The following GRK5 variants were observed in gnomAD, a reference collection of about 807,000 sequenced individuals.
The protein encoded by GRK5 is G protein-coupled receptor kinase 5, also known as g protein-coupled receptor kinase GRK5.
In GRK5, 40 loss-of-function variants were observed where a neutral mutation model predicts 78.4. The ratio of observed to expected loss-of-function variants is 0.51; its 90% CI spans 0.40 to 0.66. GRK5 has a LOEUF of 0.66. GRK5 is among the 30% of genes least tolerant of loss of function. The probability of loss-of-function intolerance (pLI) is 0.00; values close to 1 mark genes in which losing one functional copy is unlikely to be tolerated. For missense variants in GRK5, 598 were observed against 759.9 expected, an observed-to-expected ratio of 0.79 and a Z score of 2.50; for synonymous variants, 289 against 296.8, an observed-to-expected ratio of 0.97 and a Z score of 0.27.
chr10:119,368,167 A>T (rs116237759), intron 2 of GRK5, among the ~76,000 whole-genome samples: 14 of 152,316 alleles, frequency 9.2e-5, no homozygotes, highest in African/African-American at 3.4e-4. Context: ...TGCAGGAAGG[A>T]TGGGCTGGGC....
intron 4 of GRK5, among the ~76,000 whole-genome samples, chr10:119,421,426 G>A (rs1023219811): frequency 6.6e-6 from 1 of 152,232 alleles, no homozygotes; most frequent in South Asian, 2.1e-4. Flanking sequence ...CTGTTTCAGA[G>A]GGTGAGACGG....
intron 2 of GRK5, among the ~76,000 whole-genome samples, chr10:119,370,875 T>C (rs927854944): frequency 4.0e-5 from 6 of 151,858 alleles, no homozygotes; most frequent in African/African-American, 1.5e-4. Context: ...CGTAACCTGG[T>C]ATTTTGGGAA....
chr10:119,216,231 T>C (rs1458650699), intron 1 of GRK5, among the ~76,000 whole-genome samples: 2 of 152,250 alleles, frequency 1.3e-5, no homozygotes, highest in African/African-American at 4.8e-5. Flanking sequence ...GGGCCTACTG[T>C]GTTTCTAAGA....
At chr10:119,329,505 G>T (rs1377621535) in intron 2 of GRK5, among the ~76,000 whole-genome samples, 1 of 152,168 alleles carries the variant, frequency 6.6e-6, no homozygotes, top group Admixed American at 6.5e-5. Context: ...GCCAGTGGGT[G>T]CAGACTAAAA....
intron 4 of GRK5, 75 bp from the exon 5 acceptor site, chr10:119,423,091 C>T: frequency 1.0e-6 from 1 of 984,558 alleles, no homozygotes; most frequent in Non-Finnish European, 1.6e-6. Context: ...GTTCTTGGCC[C>T]AACACCTGTG....
intron 3 of GRK5, among the ~76,000 whole-genome samples, chr10:119,394,336 C>G (rs1228714375): frequency 2.2e-3 from 29 of 13,436 alleles, no homozygotes; most frequent in Non-Finnish European, 2.5e-3. Context: ...ATCTGTGTGT[C>G]TGTGTGTGGG....
chr10:119,356,941 G>A (rs1184707904), intron 2 of GRK5, among the ~76,000 whole-genome samples: 1 of 152,240 alleles, frequency 6.6e-6, no homozygotes, highest in African/African-American at 2.4e-5. Context: ...GACCAGTGCT[G>A]AGCTATCTCA....
At chr10:119,259,834 C>T (rs7093164) in intron 1 of GRK5, among the ~76,000 whole-genome samples, 2,864 of 152,224 alleles carry the variant, frequency 0.019, 97 homozygotes, top group African/African-American at 0.064. Context: ...ATATGGCTAG[C>T]GGCTACCATA....
intron 1 of GRK5, among the ~76,000 whole-genome samples, chr10:119,256,617 C>T (rs1242229658): frequency 6.6e-6 from 1 of 150,910 alleles, no homozygotes; most frequent in Non-Finnish European, 1.5e-5. Flanking sequence ...CCACCCTTCA[C>T]CCCTATTGCA....
chr10:119,275,590 C>CTT (rs1439398904), intron 1 of GRK5, among the ~76,000 whole-genome samples: 4 of 120,598 alleles, frequency 3.3e-5, no homozygotes, highest in African/African-American at 1.2e-4. Flanking sequence ...TGTGCACGCT[C>CTT]TCTCTCTCTC....
chr10:119,310,369 T>C (rs995759434), intron 1 of GRK5, among the ~76,000 whole-genome samples: 2 of 152,170 alleles, frequency 1.3e-5, no homozygotes, highest in African/African-American at 4.8e-5. Flanking sequence ...TGGCTTTCTC[T>C]TCCCCTTCAA....
intron 2 of GRK5, among the ~76,000 whole-genome samples, chr10:119,354,576 A>AT (rs1212508487): frequency 6.6e-6 from 1 of 151,854 alleles, no homozygotes. Context: ...TAATTTTTGT[A>AT]TTTTTTGTAG....
intron 1 of GRK5, among the ~76,000 whole-genome samples, chr10:119,309,682 A>G (rs1850329067): frequency 1.3e-5 from 2 of 152,178 alleles, no homozygotes; most frequent in African/African-American, 4.8e-5. Flanking sequence ...ATGGACAGAG[A>G]CCAGATGTGA....
intron 1 of GRK5, among the ~76,000 whole-genome samples, chr10:119,300,365 G>A (rs1185789940): frequency 6.6e-6 from 1 of 152,160 alleles, no homozygotes; most frequent in African/African-American, 2.4e-5. Context: ...CTCAATCTAA[G>A]GTCAACACTG....
At chr10:119,291,508 GCCT>G (rs1294494400) in intron 1 of GRK5, among the ~76,000 whole-genome samples, 3 of 134,166 alleles carry the variant, frequency 2.2e-5, no homozygotes, top group Non-Finnish European at 4.9e-5. Context: ...TGCTGCTGCT[GCCT>G]CCTCCTCCTC....
intron 1 of GRK5, among the ~76,000 whole-genome samples, chr10:119,214,157 T>C (rs1234718782): frequency 6.6e-6 from 1 of 152,146 alleles, no homozygotes. Context: ...GTATTTTTAG[T>C]AGAGGCGGGG....
chr10:119,336,913 G>A lies in GRK5; in HGVS notation c.148+10302G>A, dbSNP rs1004901029. Among the ~76,000 whole-genome samples, 1 of 152,146 alleles carries A rather than the reference G, an allele frequency of 6.6e-6. No individual in the cohort carries two copies. Among genetic ancestry groups the A allele is most frequent in the Admixed American group, 6.5e-5 (1 of 15,272 alleles). ...GGAAGGGTGGCCCCGCTGTCTTTGC[G>A]GTGTTAGTCTCACCTCCCCACTACG... On this transcript the variant is annotated intron_variant, in intron 2 of 15. Transcript: ENST00000392870. The surrounding 1 kb of genome is among the most constrained non-coding windows in gnomAD (Gnocchi z 4.5).
chr10:119,459,684 T>C lies in GRK5; in HGVS notation c.*4617T>C, dbSNP rs988492864. ...TCCGTCTATCGCGTCACAGTGCCGC[T>C]GGATCTAGATGGAGCCACTGTTGTT... On this transcript the variant is annotated 3_prime_UTR_variant, in exon 16 of 16. Coordinates refer to ENST00000392870, the MANE Select transcript of GRK5 (RefSeq NM_005308.3). 2.6e-5 allele frequency: 4 copies of C among 152,258 alleles called. No individual in the cohort carries two copies. The highest frequency in any genetic ancestry group is 9.6e-5 in the African/African-American group (4 of 41,476). The allele number at this position is 152,258 out of a possible 1,614,324, so 9.4% of individuals were successfully genotyped here. A position where few individuals can be genotyped will look rare whatever the true frequency, so the allele number is the denominator to read the frequency against.
At chr10:119,293,696 G>A (rs1405443870) in intron 1 of GRK5, among the ~76,000 whole-genome samples, 1 of 152,020 alleles carries the variant, frequency 6.6e-6, no homozygotes, top group East Asian at 1.9e-4. Context: ...AATCTAGGAG[G>A]GAGTGGATGA....
Sources: gnomAD v4.1 joint callset for allele counts (sites outside exome capture counted in the v4.1 genomes callset) on GRCh38, gnomAD v4.1.1 for gene constraint, Gnocchi (gnomAD v3.1) non-coding constraint, MANE v1.5 for transcripts, NCBI Gene and HGNC (gene_info 2026-07-23, HGNC 2026-07-21) for gene names.